Variants in GPR143 observed in about 807,000 individuals in gnomAD.
GPR143 encodes the protein G-protein coupled receptor 143.
In GPR143, 8 loss-of-function variants were observed where a neutral mutation model predicts 27.6. The ratio of observed to expected loss-of-function variants is 0.29; its 90% CI spans 0.17 to 0.52. GPR143 has a LOEUF of 0.52. GPR143 is among the 20% of genes least tolerant of loss of function. The pLI is 0.96. For synonymous variants in GPR143, 156 were observed against 153.2 expected (o/e 1.02, Z -0.13); for missense variants, 303 against 343.1 (o/e 0.88, Z 0.92).
intron 1 of GPR143, among the ~76,000 whole-genome samples, chrX:9,763,831 C>T (rs2083514151): frequency 8.9e-6 from 1 of 112,196 alleles, no homozygotes; most frequent in Admixed American, 9.5e-5. Flanking sequence ...CTTTGGGAGC[C>T]ATACTTTCTC....
At chrX:9,765,525 GGC>G (rs2083526832) in intron 1 of GPR143, 41 bp downstream of exon 1, 1 of 1,067,778 alleles carries the variant, frequency 9.4e-7, no homozygotes, top group South Asian at 2.4e-5. Context: ...CCCTCACCCA[GGC>G]GCTGATCAGA....
chrX:9,750,332 C>T (rs761307497), intron 3 of GPR143, among the ~76,000 whole-genome samples: 83 of 111,735 alleles, frequency 7.4e-4, no homozygotes, highest in African/African-American at 2.6e-3. Context: ...ACCTAAGCCT[C>T]CCAAGTAGCT....
At chrX:9,740,096 G>T (rs1031183031) in intron 7 of GPR143, among the ~76,000 whole-genome samples, 20 of 111,354 alleles carry the variant, frequency 1.8e-4, no homozygotes, top group African/African-American at 6.5e-4. Flanking sequence ...GTGGGAGAAG[G>T]GGAGAGGGAG....
intron 5 of GPR143, among the ~76,000 whole-genome samples, chrX:9,744,690 G>A (rs1181231299): frequency 2.7e-5 from 3 of 111,671 alleles, no homozygotes. Context: ...GGGCAAAAGA[G>A]CGAAACCCCA....
At chrX:9,755,450 AAAAAG>A (rs982109175) in intron 3 of GPR143, among the ~76,000 whole-genome samples, 6 of 110,539 alleles carry the variant, frequency 5.4e-5, no homozygotes, top group East Asian at 2.8e-4. Flanking sequence ...CCATCTCAAA[AAAAAG>A]AAAAGAAAAA....
chrX:9,738,574 C>T (rs1384776651), intron 8 of GPR143: 1 of 671,788 alleles, frequency 1.5e-6, no homozygotes, highest in African/African-American at 2.4e-5. Context: ...CAAAGTAAAC[C>T]AAGCTTGTCA....
upstream of GPR143, among the ~76,000 whole-genome samples, chrX:9,766,899 TCTCTCA>T (rs1185216678): frequency 8.5e-4 from 57 of 67,144 alleles, no homozygotes; most frequent in Middle Eastern, 6.6e-3. Context: ...CCTATCTCTC[TCTCTCA>T]CACACACACA....
At chrX:9,759,956 A>C (rs760655490) in intron 2 of GPR143, among the ~76,000 whole-genome samples, 4 of 112,570 alleles carry the variant, frequency 3.6e-5, no homozygotes, top group Non-Finnish European at 3.8e-5. Context: ...TCAACACAGC[A>C]TCAGGGAATG....
chrX:9,759,090 C>T (rs1282417572), intron 3 of GPR143, among the ~76,000 whole-genome samples: 1 of 111,038 alleles, frequency 9.0e-6, no homozygotes, highest in Non-Finnish European at 1.9e-5. Context: ...ATGCAATCCT[C>T]CTACCTCCCA....
At chrX:9,761,387 G>A (rs2146701644) in intron 1 of GPR143, among the ~76,000 whole-genome samples, 1 of 112,565 alleles carries the variant, frequency 8.9e-6, no homozygotes, top group African/African-American at 3.2e-5. Flanking sequence ...CACCGCGCCT[G>A]GCCTGAAACT....
chrX:9,752,471 C>G (rs1029226595), intron 3 of GPR143, among the ~76,000 whole-genome samples: 1 of 112,047 alleles, frequency 8.9e-6, no homozygotes, highest in Non-Finnish European at 1.9e-5. Flanking sequence ...GAATATGTTC[C>G]CTTATATGGC....
chrX:9,730,228 T>C lies in GPR143; in HGVS notation c.1121-4388A>G, dbSNP rs1170432739. The stretch of plus-strand genomic sequence containing the variant: ...GCATGACTGTATATTGGATGTCCCT[T>C]GTGCCCTCAACTGCCTTTCTCAGAT... On this transcript the variant is annotated intron_variant, in intron 8 of 8. Coordinates refer to ENST00000467482, the MANE Select transcript of GPR143 (RefSeq NM_000273.3). Among the ~76,000 whole-genome samples the C allele has an allele frequency of 7.6e-5, 5 of 65,688 alleles. No homozygotes were observed. In the Admixed American group the frequency reaches 1.1e-3, roughly 14 times the overall value. The allele number at this position is 65,688 out of a possible 115,157, so 57.0% of individuals were successfully genotyped here. A position where few individuals can be genotyped will look rare whatever the true frequency, so the allele number is the denominator to read the frequency against.
At chrX:9,771,650 G>T (rs2083554864) in intron 1 of GPR143, among the ~76,000 whole-genome samples, 1 of 108,893 alleles carries the variant, frequency 9.2e-6, no homozygotes, top group Non-Finnish European at 1.9e-5. Context: ...TGGAGGACTT[G>T]GTTCAAAATA....
At chrX:9,767,173 ATT>A (rs112413683), upstream of GPR143, among the ~76,000 whole-genome samples, 2 of 105,860 alleles carry the variant, frequency 1.9e-5, no homozygotes, top group African/African-American at 6.9e-5. Context: ...GCATACTAAG[ATT>A]TTTTTTTTTA....
chrX:9,751,808 T>C (rs2083452615), intron 3 of GPR143, among the ~76,000 whole-genome samples: 2 of 113,047 alleles, frequency 1.8e-5, no homozygotes, highest in Admixed American at 9.3e-5. Context: ...CACAGAGTTG[T>C]ATCAGCGCAG....
At chrX:9,777,252 AG>A (rs2083573600) in intron 1 of GPR143, among the ~76,000 whole-genome samples, 1 of 112,523 alleles carries the variant, frequency 8.9e-6, no homozygotes, top group South Asian at 3.7e-4. Context: ...ACAAAATAAA[AG>A]AAACTCAGCC....
intron 1 of GPR143, among the ~76,000 whole-genome samples, chrX:9,764,968 G>A (rs1338582804): frequency 3.8e-5 from 4 of 106,401 alleles, no homozygotes; most frequent in Admixed American, 3.1e-4. Flanking sequence ...AGGTTGCAGT[G>A]AGCCGAGATT....
chrX:9,741,213 T>C, intron 7 of GPR143, 125 bp downstream of exon 7: 1 of 424,589 alleles, frequency 2.4e-6, no homozygotes, highest in Non-Finnish European at 4.2e-6. Context: ...AGCCCAGGAG[T>C]TTAAGGCTGC....
intron 6 of GPR143, 65 bp downstream of exon 6, chrX:9,743,500 G>A: frequency 1.6e-6 from 1 of 631,985 alleles, no homozygotes; most frequent in Non-Finnish European, 2.7e-6. Flanking sequence ...CATGCAACAT[G>A]GCAAGTTGTT....
Sources: allele counts gnomAD v4.1 joint callset (sites outside exome capture counted in the v4.1 genomes callset), GRCh38; gene constraint gnomAD v4.1.1; transcripts MANE v1.5; gene names NCBI Gene and HGNC (gene_info 2026-07-23, HGNC 2026-07-21).